SCRG1: variants seen among roughly 807,000 people sequenced by gnomAD.
The protein encoded by SCRG1 is scrapie-responsive protein 1.
Under a neutral mutation model 7.7 loss-of-function variants are expected in SCRG1, and 3 were observed. The observed-to-expected ratio is 0.39, with a 90% CI of 0.18 to 1.01. The LOEUF is 1.01. SCRG1 is among the 50% of genes least tolerant of loss of function. SCRG1 has a pLI of 0.36. For synonymous variants in SCRG1, 46 were observed against 41.2 expected (o/e 1.12, Z -0.44); for missense variants, 110 against 117.2 (o/e 0.94, Z 0.28).
At chr4:173,432,819 G>C in the SCRG1 span, among the ~76,000 whole-genome samples, 1 of 152,162 alleles carries the variant, frequency 6.6e-6, no homozygotes, top group Non-Finnish European at 1.5e-5. Flanking sequence ...AAGGCAGCTG[G>C]GCATCTCAGA....
chr4:173,466,082 C>T, the SCRG1 span, among the ~76,000 whole-genome samples: 2 of 152,012 alleles, frequency 1.3e-5, no homozygotes, highest in Non-Finnish European at 2.9e-5. Flanking sequence ...TACAAAATGG[C>T]CAGTCTGAAG....
the SCRG1 span, chr4:173,419,767 A>C: frequency 3.5e-6 from 5 of 1,417,948 alleles, no homozygotes; most frequent in African/African-American, 5.6e-5. Context: ...CTGGCTGACC[A>C]TCAATGCTTT....
chr4:173,411,399 T>C, the SCRG1 span, among the ~76,000 whole-genome samples: 1 of 152,222 alleles, frequency 6.6e-6, no homozygotes, highest in East Asian at 1.9e-4. Context: ...CAGTAAATAA[T>C]GTTTTATTTG....
the SCRG1 span, among the ~76,000 whole-genome samples, chr4:173,460,237 C>T: frequency 1.3e-5 from 2 of 152,136 alleles, no homozygotes; most frequent in Non-Finnish European, 2.9e-5. Context: ...AAGACGCCAC[C>T]CCTGCCCCAC....
the SCRG1 span, among the ~76,000 whole-genome samples, chr4:173,450,860 G>C: frequency 1.4e-4 from 15 of 105,736 alleles, no homozygotes; most frequent in Non-Finnish European, 3.2e-4. Context: ...GGGTCACTGG[G>C]CCTCCCCAGA....
the SCRG1 span, among the ~76,000 whole-genome samples, chr4:173,433,117 T>C: frequency 5.3e-5 from 8 of 152,260 alleles, no homozygotes; most frequent in Admixed American, 1.3e-4. Flanking sequence ...TTTTCCTAGC[T>C]TTAGAAGCAA....
At chr4:173,498,325 C>G in the SCRG1 span, among the ~76,000 whole-genome samples, 1 of 152,158 alleles carries the variant, frequency 6.6e-6, no homozygotes, top group African/African-American at 2.4e-5. Flanking sequence ...AATTTTGGCC[C>G]AGATATCCCT....
At chr4:173,451,796 C>G in the SCRG1 span, among the ~76,000 whole-genome samples, 2 of 151,814 alleles carry the variant, frequency 1.3e-5, no homozygotes, top group African/African-American at 4.8e-5. Flanking sequence ...TAAATACTAC[C>G]TCTGTCCATT....
the SCRG1 span, among the ~76,000 whole-genome samples, chr4:173,434,619 T>A: frequency 6.6e-6 from 1 of 152,148 alleles, no homozygotes; most frequent in Non-Finnish European, 1.5e-5. Flanking sequence ...TTATCTGAGG[T>A]CAGGAGTTCG....
upstream of SCRG1, among the ~76,000 whole-genome samples, chr4:173,410,858 T>C (rs1220938885): frequency 1.3e-5 from 2 of 152,220 alleles, no homozygotes; most frequent in Non-Finnish European, 2.9e-5. Flanking sequence ...GACAGAATTT[T>C]AGATATTAGG....
chr4:173,487,159 C>T, the SCRG1 span, among the ~76,000 whole-genome samples: 6 of 152,128 alleles, frequency 3.9e-5, no homozygotes, highest in African/African-American at 1.4e-4. Context: ...AATGTGCAGG[C>T]AGGGCTGAGA....
chr4:173,440,749 G>T, the SCRG1 span, among the ~76,000 whole-genome samples: 4 of 152,214 alleles, frequency 2.6e-5, 1 homozygote, highest in African/African-American at 7.2e-5. Flanking sequence ...TGTCAACAGG[G>T]CCACCTTTCC....
the SCRG1 span, among the ~76,000 whole-genome samples, chr4:173,426,281 G>A: frequency 8.8e-3 from 1,346 of 152,234 alleles, 7 homozygotes; most frequent in Middle Eastern, 0.017. Context: ...TCATTCATCC[G>A]GATGTTTGAG....
the SCRG1 span, among the ~76,000 whole-genome samples, chr4:173,509,340 C>G: frequency 6.6e-6 from 1 of 152,166 alleles, no homozygotes. The surrounding 1 kb of genome is among the most constrained non-coding windows in gnomAD (Gnocchi z 5.7). Context: ...CTCGCGCGCT[C>G]TGAGCCTCCC....
chr4:173,489,914 A>T, the SCRG1 span, among the ~76,000 whole-genome samples: 1 of 152,204 alleles, frequency 6.6e-6, no homozygotes, highest in Non-Finnish European at 1.5e-5. Context: ...CCATCTACTA[A>T]CAATTCCCAG....
the SCRG1 span, among the ~76,000 whole-genome samples, chr4:173,507,269 T>A: frequency 6.6e-6 from 1 of 152,138 alleles, no homozygotes; most frequent in Non-Finnish European, 1.5e-5. The surrounding 1 kb of genome is among the most constrained non-coding windows in gnomAD (Gnocchi z 4.4). Flanking sequence ...GAATGAAGTG[T>A]CTCGATGTCG....
At chr4:173,398,146 A>T (rs1739656643) in intron 1 of SCRG1, 1 of 152,176 alleles carries the variant, frequency 6.6e-6, no homozygotes, top group Admixed American at 6.5e-5. Context: ...AGAATGACTG[A>T]GTCCCAAAGT....
At chr4:173,440,443 G>A in the SCRG1 span, among the ~76,000 whole-genome samples, 1 of 152,230 alleles carries the variant, frequency 6.6e-6, no homozygotes, top group African/African-American at 2.4e-5. Context: ...GGAATTGCCA[G>A]TCCTGGCTTG....
At chr4:173,408,151 C>T (rs908800468), upstream of SCRG1, among the ~76,000 whole-genome samples, 2 of 152,088 alleles carry the variant, frequency 1.3e-5, no homozygotes, top group African/African-American at 4.8e-5. Flanking sequence ...AAATATATTA[C>T]ATACAGTATA....
Sources: gnomAD v4.1 joint callset for allele counts (sites outside exome capture counted in the v4.1 genomes callset) on GRCh38, gnomAD v4.1.1 for gene constraint, Gnocchi (gnomAD v3.1) non-coding constraint, MANE v1.5 for transcripts, NCBI Gene and HGNC (gene_info 2026-07-23, HGNC 2026-07-21) for gene names.